TUBGCP4: variants seen among roughly 807,000 people sequenced by gnomAD.
The protein encoded by TUBGCP4 is gamma-tubulin complex component 4.
In TUBGCP4, 54 loss-of-function variants were observed where a neutral mutation model predicts 91.6. The observed-to-expected ratio is 0.59, with a 90% confidence interval of 0.47 to 0.74. The LOEUF (loss-of-function observed/expected upper bound fraction) is 0.74. TUBGCP4 is among the 30% of genes least tolerant of loss of function. The pLI is 0.00. For missense variants in TUBGCP4, 593 were observed against 800.9 expected, an observed-to-expected ratio of 0.74 and a Z score of 3.13; for synonymous variants, 297 against 302.8, an observed-to-expected ratio of 0.98 and a Z score of 0.20.
intron 5 of TUBGCP4, 89 bp downstream of exon 5, chr15:43,377,992 TA>T: frequency 1.1e-6 from 1 of 904,864 alleles, no homozygotes; most frequent in Non-Finnish European, 1.7e-6. Flanking sequence ...TCGAAGACCC[TA>T]GTTTTTAGTA....
At position 43,376,771 on chromosome 15, in the gene TUBGCP4, G is replaced by A. The variant is rs539517776; in HGVS notation, c.330+146G>A. The stretch of plus-strand genomic sequence containing the variant: ...AAGGTACAGTGTTCTCTCAGTGATT[G>A]CCCAACCTGTGATCAGAGTGGCTTA... On this transcript the variant is annotated intron_variant, in intron 3 of 17. Coordinates refer to ENST00000564079, the MANE Select transcript of TUBGCP4 (RefSeq NM_014444.5). 3,295 of 1,207,810 alleles carry A rather than the reference G, an allele frequency of 2.7e-3. 7 individuals carry two copies. Among genetic ancestry groups the A allele is most frequent in the Non-Finnish European group, 3.3e-3 (2,863 of 864,150 alleles). 74.8% of individuals were successfully genotyped at this position (1,207,810 alleles called of 1,614,324 possible).
In TUBGCP4 at chr15:43,397,389, C is replaced by T. The variant is rs1013606385; in HGVS notation, c.1279+68C>T. On this transcript the variant is annotated intron_variant, in intron 12 of 17. Transcript: ENST00000564079. ...TCATCCATTTTCCCATCTCTGCTTC[C>T]ATCCCCCGCCACAGAAACCATATGA... 8 of 1,065,456 alleles carry T rather than the reference C, an allele frequency of 7.5e-6. No homozygotes were observed. In the South Asian group the frequency reaches 9.2e-5, roughly 12 times the overall value. 66.0% of individuals were successfully genotyped at this position (1,065,456 alleles called of 1,614,324 possible). A position where few individuals can be genotyped will look rare whatever the true frequency, so the allele number is the denominator to read the frequency against.
intron 9 of TUBGCP4, among the ~76,000 whole-genome samples, chr15:43,393,334 C>G (rs1351184863): frequency 6.6e-6 from 1 of 151,666 alleles, no homozygotes; most frequent in Admixed American, 6.6e-5. Context: ...CTCAGCCTCC[C>G]GAGCAGCTGG....
chr15:43,376,452 C>A, intron 2 of TUBGCP4, 51 bp from the exon 3 acceptor site: 1 of 1,614,048 alleles, frequency 6.2e-7, no homozygotes. Flanking sequence ...ATGTCTTTCT[C>A]AGGTTTCAGG....
chr15:43,406,976 C>CTGTT lies in TUBGCP4; in HGVS notation c.*1763_*1766dup, dbSNP rs1476358527. 3 of 231,654 alleles carry CTGTT rather than the reference C, an allele frequency of 1.3e-5. No homozygotes were observed. The highest frequency in any genetic ancestry group is 2.6e-5 in the Non-Finnish European group (3 of 116,070). 14.3% of individuals were successfully genotyped at this position (231,654 alleles called of 1,614,324 possible). A position where few individuals can be genotyped will look rare whatever the true frequency, so the allele number is the denominator to read the frequency against. On this transcript the variant is annotated 3_prime_UTR_variant, in exon 18 of 18. Transcript: ENST00000564079. Reference sequence around the variant, plus strand: ...CAATTCCACTCAACTTTTGGCACAACTGTTAATCTGGGCCTTCACCTACCT... The same window carrying CTGTT: ...CAATTCCACTCAACTTTTGGCACAACTGTTTGTTAATCTGGGCCTTCACCTACCT...
chr15:43,402,151 C>T (rs1038145398), intron 15 of TUBGCP4: 5 of 234,802 alleles, frequency 2.1e-5, no homozygotes, highest in East Asian at 1.1e-4. Context: ...TGGTGGCTCG[C>T]GCCTGTAATC....
chr15:43,376,687 C>A, intron 3 of TUBGCP4, 62 bp downstream of exon 3: 7 of 1,603,068 alleles, frequency 4.4e-6, no homozygotes, highest in Non-Finnish European at 6.0e-6. Flanking sequence ...GTTCTTGAAT[C>A]TGAAATGCCC....
chr15:43,402,096 A>G, intron 15 of TUBGCP4: 1 of 326,286 alleles, frequency 3.1e-6, no homozygotes, highest in Non-Finnish European at 5.7e-6. Context: ...CATGGTGAAA[A>G]CCCGTCTCTA....
intron 9 of TUBGCP4, among the ~76,000 whole-genome samples, chr15:43,389,994 A>G (rs1205171228): frequency 3.9e-5 from 6 of 152,132 alleles, no homozygotes; most frequent in African/African-American, 9.6e-5. Flanking sequence ...GACCACCCCC[A>G]TGATTCAATC....
chr15:43,374,545 A>G (rs1343634355), intron 1 of TUBGCP4, among the ~76,000 whole-genome samples: 1 of 152,172 alleles, frequency 6.6e-6, no homozygotes, highest in African/African-American at 2.4e-5. Flanking sequence ...CTAGGGGTTC[A>G]AGGTTACAGT....
intron 6 of TUBGCP4, among the ~76,000 whole-genome samples, chr15:43,381,482 A>C (rs28729853): frequency 0.28 from 42,305 of 152,082 alleles, 9,718 homozygotes; most frequent in African/African-American, 0.63. Context: ...CACGCTTGTA[A>C]TCCCAGCACT....
intron 9 of TUBGCP4, among the ~76,000 whole-genome samples, chr15:43,392,658 C>T (rs1476147531): frequency 6.6e-6 from 1 of 152,054 alleles, no homozygotes; most frequent in East Asian, 1.9e-4. Context: ...GCCACTACGC[C>T]CGGCTAATTT....
In TUBGCP4 at chr15:43,405,497, A is replaced by G; in HGVS notation, c.*283A>G. 1 of 507,868 alleles carries G rather than the reference A, an allele frequency of 2.0e-6. No individual in the cohort carries two copies. The highest frequency in any genetic ancestry group is 3.5e-6 in the Non-Finnish European group (1 of 283,466). 31.5% of individuals were successfully genotyped at this position (507,868 alleles called of 1,614,324 possible). A position where few individuals can be genotyped will look rare whatever the true frequency, so the allele number is the denominator to read the frequency against. The stretch of plus-strand genomic sequence containing the variant: ...TCATTTATTCAATAGTCATTTATTG[A>G]GCACCTACTACGTACCTTGGTACTG... On this transcript the variant is annotated 3_prime_UTR_variant, in exon 18 of 18. Coordinates refer to ENST00000564079, the MANE Select transcript of TUBGCP4 (RefSeq NM_014444.5).
In TUBGCP4 at chr15:43,408,065, T is replaced by C; in HGVS notation, c.*2851T>C. The C allele has an allele frequency of 6.2e-7, 1 of 1,614,102 alleles. No homozygotes were observed. The highest frequency in any genetic ancestry group is 8.5e-7 in the Non-Finnish European group (1 of 1,179,994). ...TGATACCAAGAGTACCTTCAGATTC[T>C]GGAAAGGATTTTCACGGGGTTGCCT... On this transcript the variant is annotated 3_prime_UTR_variant, in exon 18 of 18. Transcript: ENST00000564079.
chr15:43,384,399 T>C (rs1234850610), intron 7 of TUBGCP4, among the ~76,000 whole-genome samples: 1 of 152,170 alleles, frequency 6.6e-6, no homozygotes, highest in Non-Finnish European at 1.5e-5. Flanking sequence ...GGATAGGGTC[T>C]TGGAGTGACT....
At position 43,401,711 on chromosome 15, in the gene TUBGCP4, A is replaced by G. The variant is rs767951721; in HGVS notation, c.1597-5A>G. On this transcript the variant is annotated splice_region_variant and splice_polypyrimidine_tract_variant and intron_variant, in intron 14 of 17. Coordinates refer to ENST00000564079, the MANE Select transcript of TUBGCP4 (RefSeq NM_014444.5). ...AGTGCTAAAATTTTTTGTAATGTCT[A>G]TCAGGTAGATGTGTTGGAGTCTCAG... 4 of 1,613,812 alleles carry G rather than the reference A, an allele frequency of 2.5e-6. No individual in the cohort carries two copies. Among genetic ancestry groups the G allele is most frequent in the Non-Finnish European group, 3.4e-6 (4 of 1,179,916 alleles).
intron 11 of TUBGCP4, among the ~76,000 whole-genome samples, chr15:43,396,680 G>T (rs2044585335): frequency 6.6e-6 from 1 of 152,182 alleles, no homozygotes; most frequent in African/African-American, 2.4e-5. Context: ...GTTTGATCCA[G>T]TGACAGGTGT....
rs1009757769 is a variant in TUBGCP4, at chr15:43,407,906, C to T, written c.*2692C>T. ...TAACACCTACAGGTCTAAGGAGATC[C>T]CTGGAACAAAGACACTACACACACT... On this transcript the variant is annotated 3_prime_UTR_variant, in exon 18 of 18. Transcript: ENST00000564079. 1.3e-5 allele frequency: 20 copies of T among 1,591,692 alleles called. No individual in the cohort carries two copies. The highest frequency in any genetic ancestry group is 2.7e-5 in the African/African-American group (2 of 74,612).
chr15:43,397,834 C>G (rs929130520), intron 12 of TUBGCP4, among the ~76,000 whole-genome samples: 1 of 152,144 alleles, frequency 6.6e-6, no homozygotes, highest in Non-Finnish European at 1.5e-5. Flanking sequence ...CCTCAGCCCC[C>G]CTGAGTAGCT....
Sources: allele counts gnomAD v4.1 joint callset (sites outside exome capture counted in the v4.1 genomes callset), GRCh38; gene constraint gnomAD v4.1.1; transcripts MANE v1.5; gene names NCBI Gene and HGNC (gene_info 2026-07-23, HGNC 2026-07-21).